EPB41L3: variants seen among roughly 807,000 people sequenced by gnomAD.
The protein encoded by EPB41L3 is erythrocyte membrane protein band 4.1 like 3.
EPB41L3 carries 57 observed loss-of-function variants against 127.1 expected under a neutral mutation model. That is an observed-to-expected ratio of 0.45 (90% CI 0.36 to 0.56). The LOEUF is 0.56. EPB41L3 is among the 20% of genes least tolerant of loss of function. The pLI is 0.00. For missense variants in EPB41L3, 1,273 were observed against 1,372.2 expected (o/e 0.93, Z 1.14); for synonymous variants, 572 against 549.5 (o/e 1.04, Z -0.57).
intron 1 of EPB41L3, among the ~76,000 whole-genome samples, chr18:5,513,928 A>G (rs1388086111): frequency 6.6e-6 from 1 of 152,222 alleles, no homozygotes; most frequent in African/African-American, 2.4e-5. Flanking sequence ...GTCTGATGAT[A>G]AAATATGATA....
intron 3 of EPB41L3, among the ~76,000 whole-genome samples, chr18:5,604,301 T>C (rs2094624354): frequency 6.6e-6 from 1 of 152,058 alleles, no homozygotes; most frequent in Admixed American, 6.6e-5. Flanking sequence ...GCTGTCCCCT[T>C]TTTGGGCACT....
intron 3 of EPB41L3, among the ~76,000 whole-genome samples, chr18:5,570,482 C>T (rs1436060839): frequency 6.6e-6 from 1 of 152,108 alleles, no homozygotes; most frequent in Admixed American, 6.5e-5. Context: ...TACTAAACTA[C>T]CATTTATAAT....
chr18:5,406,658 A>T, intron 16 of EPB41L3, 119 bp downstream of exon 16: 1 of 911,554 alleles, frequency 1.1e-6, no homozygotes, highest in Non-Finnish European at 1.6e-6. Context: ...AGCTCAGGTT[A>T]AACATAGGTA....
At chr18:5,616,455 T>C (rs891887190) in intron 1 of EPB41L3, among the ~76,000 whole-genome samples, 7 of 152,174 alleles carry the variant, frequency 4.6e-5, no homozygotes, top group African/African-American at 1.7e-4. Flanking sequence ...GTTTTTATTA[T>C]GCAATATTAT....
intron 1 of EPB41L3, among the ~76,000 whole-genome samples, chr18:5,615,372 T>C (rs1432164798): frequency 6.6e-6 from 1 of 152,110 alleles, no homozygotes; most frequent in African/African-American, 2.4e-5. Context: ...TCTCTTTATT[T>C]TAATTTTTAA....
intron 3 of EPB41L3, among the ~76,000 whole-genome samples, chr18:5,477,973 T>A (rs1410536346): frequency 6.6e-6 from 1 of 152,164 alleles, no homozygotes; most frequent in African/African-American, 2.4e-5. Flanking sequence ...CTTTCAAAAT[T>A]TTTTTTGTTC....
chr18:5,457,778 C>A (rs73937137), intron 3 of EPB41L3, among the ~76,000 whole-genome samples: 3 of 152,066 alleles, frequency 2.0e-5, no homozygotes, highest in Non-Finnish European at 4.4e-5. Context: ...CACACCTCCA[C>A]GCCCCGAAGC....
chr18:5,630,522 G>T (rs752155432), upstream of EPB41L3: 1 of 518,014 alleles, frequency 1.9e-6, no homozygotes. Context: ...TCTTTCCTTC[G>T]AATTCTCCGG....
chr18:5,470,124 G>A (rs1202278505), intron 3 of EPB41L3, among the ~76,000 whole-genome samples: 3 of 152,194 alleles, frequency 2.0e-5, no homozygotes, highest in Admixed American at 2.0e-4. Context: ...CTGAAACAGA[G>A]AGCAGGAGAT....
intron 1 of EPB41L3, among the ~76,000 whole-genome samples, chr18:5,528,673 C>T (rs2093315510): frequency 6.6e-6 from 1 of 152,134 alleles, no homozygotes; most frequent in Admixed American, 6.5e-5. Flanking sequence ...TCTCAGCCCA[C>T]CGCAGCCTAG....
chr18:5,614,713 G>T lies in EPB41L3; in HGVS notation c.-467-290C>A, dbSNP rs199503931. ...TTCCAGCTTCACTGAGAAACCAGAG[G>T]CAGGAAACTCTGGAGTTAACATTAA... is the stretch of plus-strand genomic sequence containing the variant. On this transcript the variant is annotated intron_variant, in intron 1 of 21. Coordinates refer to the EPB41L3 transcript ENST00000545076. 3.7e-4 allele frequency among the ~76,000 whole-genome samples: 56 copies of T among 152,244 alleles called. No homozygotes were observed. In the East Asian group the frequency reaches 0.011, roughly 29 times the overall value.
chr18:5,475,279 T>A (rs2086947636), intron 3 of EPB41L3, among the ~76,000 whole-genome samples: 1 of 152,230 alleles, frequency 6.6e-6, no homozygotes, highest in Admixed American at 6.5e-5. Flanking sequence ...TTAGTTGCTC[T>A]AATCTTCTCA....
At chr18:5,405,541 G>A (rs1206172842) in intron 16 of EPB41L3, among the ~76,000 whole-genome samples, 1 of 150,530 alleles carries the variant, frequency 6.6e-6, no homozygotes, top group Non-Finnish European at 1.5e-5. Context: ...TTTAAAAAGA[G>A]CTTCCTTGGG....
chr18:5,422,490 T>C (rs1040502616), intron 11 of EPB41L3, among the ~76,000 whole-genome samples: 1 of 152,170 alleles, frequency 6.6e-6, no homozygotes, highest in African/African-American at 2.4e-5. Context: ...TTTTTCCTTA[T>C]TATTTAAACC....
At position 5,397,198 on chromosome 18, in the gene EPB41L3, C is replaced by T; in HGVS notation, c.2701G>A (p.Ala901Thr). 2 of 1,614,156 alleles carry T rather than the reference C, an allele frequency of 1.2e-6. No homozygotes were observed. The highest frequency in any genetic ancestry group is 2.2e-5 in the South Asian group (2 of 91,076). ...GKEGSALTEG[A>T]KEEGGEEVAK... ...ACCTCCTCCCCTCCTTCCTCTTTAG[C>T]CCCCTCCGTCAAGGCAGAGCCCTCT... is the stretch of plus-strand genomic sequence containing the variant. The change falls in exon 18 of 23, where the codon GCT (alanine) becomes ACT (threonine). Residue 901 changes from alanine (A) to threonine (T), a missense_variant. Around this residue, in one of 3 missense-constraint regions of EPB41L3, gnomAD observed 765 missense variants for 782.9 expected, o/e 0.98. Coordinates refer to ENST00000341928, the MANE Select transcript of EPB41L3 (RefSeq NM_012307.5). This position sits in a 1 kb window ranked among gnomAD's most constrained non-coding sequence, Gnocchi z 4.1.
At chr18:5,511,671 C>A (rs902839138) in intron 1 of EPB41L3, among the ~76,000 whole-genome samples, 3 of 151,684 alleles carry the variant, frequency 2.0e-5, no homozygotes, top group Non-Finnish European at 4.4e-5. Context: ...TTCCTCAATA[C>A]TGCAACCTTC....
intron 8 of EPB41L3, among the ~76,000 whole-genome samples, chr18:5,431,724 A>G (rs894658677): frequency 6.6e-6 from 1 of 152,254 alleles, no homozygotes; most frequent in East Asian, 1.9e-4. Flanking sequence ...AGATTCACTC[A>G]AATTCTCAGG....
chr18:5,468,138 C>T (rs899015531), intron 3 of EPB41L3, among the ~76,000 whole-genome samples: 7 of 152,182 alleles, frequency 4.6e-5, no homozygotes, highest in Admixed American at 2.0e-4. Context: ...TGCCTCGGAC[C>T]CCTCCAGACT....
At chr18:5,500,407 T>C (rs1364987982) in intron 1 of EPB41L3, among the ~76,000 whole-genome samples, 1 of 152,176 alleles carries the variant, frequency 6.6e-6, no homozygotes, top group East Asian at 1.9e-4. Context: ...TCAGACTCTT[T>C]GTACAGTCAT....
Sources: allele counts gnomAD v4.1 joint callset (sites outside exome capture counted in the v4.1 genomes callset), GRCh38; gene constraint gnomAD v4.1.1; regional missense constraint gnomAD v4.1.1; non-coding constraint Gnocchi (gnomAD v3.1); transcripts MANE v1.5; gene names NCBI Gene and HGNC (gene_info 2026-07-23, HGNC 2026-07-21).